The following RGS7 variants were observed in gnomAD, a reference collection of about 807,000 sequenced individuals.
RGS7 encodes the protein regulator of G-protein signaling 7.
A neutral mutation model predicts 81.1 loss-of-function variants in RGS7; 27 were observed. The ratio of observed to expected loss-of-function variants is 0.33; its 90% CI spans 0.25 to 0.46. The LOEUF is 0.46. Ranked by LOEUF, RGS7 falls within the 20% of genes least tolerant of loss-of-function variation. The pLI is 1.00. For synonymous variants in RGS7, 208 were observed against 207.7 expected (o/e 1.00, Z -0.01); for missense variants, 396 against 607.4 (o/e 0.65, Z 3.66).
chr1:241,100,681 T>C (rs372209417), intron 2 of RGS7, among the ~76,000 whole-genome samples: 1 of 152,226 alleles, frequency 6.6e-6, no homozygotes, highest in East Asian at 1.9e-4. Context: ...AATTTCTTCA[T>C]AGCGTTCTTC....
At position 241,164,038 on chromosome 1, in the gene RGS7, T is replaced by C. The variant is rs1443616252; in HGVS notation, c.79-65276A>G. ...TGACAGACCAGCTGGAAATTAGAGATCCCATGATCCCCTGCTTGAGTTCAA... is the reference window on the plus strand; with the variant it reads ...TGACAGACCAGCTGGAAATTAGAGACCCCATGATCCCCTGCTTGAGTTCAA... On this transcript the variant is annotated intron_variant, in intron 2 of 18. Coordinates refer to ENST00000440928, the MANE Select transcript of RGS7 (RefSeq NM_001364886.1). The surrounding 1 kb of genome is among the most constrained non-coding windows in gnomAD (Gnocchi z 4.1). 2.0e-5 allele frequency among the ~76,000 whole-genome samples: 3 copies of C among 152,126 alleles called. No homozygotes were observed. Among genetic ancestry groups the C allele is most frequent in the Non-Finnish European group, 2.9e-5 (2 of 68,032 alleles).
chr1:241,021,231 T>C (rs1446273306), intron 3 of RGS7, among the ~76,000 whole-genome samples: 1 of 151,948 alleles, frequency 6.6e-6, no homozygotes, highest in Non-Finnish European at 1.5e-5. Context: ...CATTCTACTG[T>C]GAGAAGCAGG....
At chr1:240,947,848 A>G (rs367587763) in intron 4 of RGS7, among the ~76,000 whole-genome samples, 2 of 152,222 alleles carry the variant, frequency 1.3e-5, no homozygotes, top group African/African-American at 4.8e-5. Context: ...TGGCCACCCC[A>G]GTTACTTCTC....
At chr1:241,123,112 G>A (rs1258501840) in intron 2 of RGS7, among the ~76,000 whole-genome samples, 1 of 152,138 alleles carries the variant, frequency 6.6e-6, no homozygotes, top group Non-Finnish European at 1.5e-5. Context: ...CAACAGGGGT[G>A]GTGTCAATCA....
chr1:241,064,701 G>C (rs544023071), intron 3 of RGS7, among the ~76,000 whole-genome samples: 2 of 151,976 alleles, frequency 1.3e-5, no homozygotes, highest in Non-Finnish European at 2.9e-5. Context: ...TTCCAGACCA[G>C]TCGGGCAACA....
At chr1:241,305,425 G>C (rs942697706) in intron 2 of RGS7, among the ~76,000 whole-genome samples, 1 of 152,094 alleles carries the variant, frequency 6.6e-6, no homozygotes, top group Admixed American at 6.5e-5. Flanking sequence ...AAGGGATGCA[G>C]AGAATCGGAG....
chr1:241,019,421 T>C (rs1245136192), intron 3 of RGS7, among the ~76,000 whole-genome samples: 5 of 152,128 alleles, frequency 3.3e-5, no homozygotes, highest in Non-Finnish European at 5.9e-5. Context: ...GTTTGTTGCA[T>C]AGGTATACAT....
intron 2 of RGS7, 108 bp downstream of exon 2, chr1:241,355,591 G>C: frequency 1.1e-6 from 1 of 938,618 alleles, no homozygotes; most frequent in Non-Finnish European, 1.8e-6. Flanking sequence ...CTGATGATCT[G>C]GGAAATCCAC....
chr1:241,043,557 ATAGTTATATTTTATATATTATAT>A (rs1442580769), intron 3 of RGS7, among the ~76,000 whole-genome samples: 3 of 147,444 alleles, frequency 2.0e-5, no homozygotes, highest in Admixed American at 6.8e-5. Flanking sequence ...ATAATATTAT[ATAGTTATATTTTATATATTATAT>A]TAGTTATATT....
chr1:240,858,964 C>G (rs1018053157), intron 9 of RGS7, among the ~76,000 whole-genome samples: 12 of 152,046 alleles, frequency 7.9e-5, no homozygotes, highest in Non-Finnish European at 1.6e-4. Context: ...CTTGCAATGA[C>G]TTTGTTTGCT....
At chr1:241,352,698 G>A (rs765631426) in intron 2 of RGS7, among the ~76,000 whole-genome samples, 18 of 152,254 alleles carry the variant, frequency 1.2e-4, no homozygotes, top group African/African-American at 2.6e-4. Context: ...AGTTTTATCC[G>A]CTGTACATTT....
chr1:240,818,325 C>T (rs969714860), intron 10 of RGS7, among the ~76,000 whole-genome samples: 1 of 151,612 alleles, frequency 6.6e-6, no homozygotes, highest in African/African-American at 2.4e-5. Context: ...CTTCTTTCTG[C>T]ACTGGGACTC....
At chr1:241,003,199 C>T (rs956675820) in intron 3 of RGS7, among the ~76,000 whole-genome samples, 4 of 151,830 alleles carry the variant, frequency 2.6e-5, no homozygotes, top group South Asian at 4.2e-4. Context: ...CAGTGGCTCA[C>T]GCCTGTAATC....
At chr1:241,066,220 C>G (rs2062053636) in intron 3 of RGS7, among the ~76,000 whole-genome samples, 1 of 152,162 alleles carries the variant, frequency 6.6e-6, no homozygotes, top group Admixed American at 6.5e-5. Context: ...ATTTTCCCTC[C>G]TTGAGTCTGT....
At chr1:240,970,780 T>C (rs569727017) in intron 4 of RGS7, among the ~76,000 whole-genome samples, 28 of 150,858 alleles carry the variant, frequency 1.9e-4, no homozygotes, top group South Asian at 1.3e-3. Context: ...AGATCAGGAG[T>C]TCAAGACCAG....
At chr1:241,032,159 G>A (rs894908512) in intron 3 of RGS7, among the ~76,000 whole-genome samples, 10 of 152,178 alleles carry the variant, frequency 6.6e-5, no homozygotes, top group Admixed American at 1.3e-4. Flanking sequence ...TGTATATGGT[G>A]AAAGATAGAG....
chr1:240,977,313 T>C (rs1684280240), intron 4 of RGS7, among the ~76,000 whole-genome samples: 1 of 152,214 alleles, frequency 6.6e-6, no homozygotes, highest in African/African-American at 2.4e-5. Context: ...ATTTAATCTT[T>C]CCGCCACAGT....
intron 2 of RGS7, among the ~76,000 whole-genome samples, chr1:241,223,491 G>A (rs2075132230): frequency 6.6e-6 from 1 of 152,150 alleles, no homozygotes; most frequent in Admixed American, 6.5e-5. Flanking sequence ...TGTGTTCAGA[G>A]AGGAGCAAGT....
At chr1:240,835,120 A>G (rs1398666088) in intron 9 of RGS7, among the ~76,000 whole-genome samples, 1 of 152,182 alleles carries the variant, frequency 6.6e-6, no homozygotes, top group Non-Finnish European at 1.5e-5. Flanking sequence ...GGATTTCATT[A>G]AAATTAAAAA....
Sources: gnomAD v4.1 joint callset for allele counts (sites outside exome capture counted in the v4.1 genomes callset) on GRCh38, gnomAD v4.1.1 for gene constraint, Gnocchi (gnomAD v3.1) non-coding constraint, MANE v1.5 for transcripts, NCBI Gene and HGNC (gene_info 2026-07-23, HGNC 2026-07-21) for gene names.